The following MGLL variants were observed in gnomAD, a reference collection of about 807,000 sequenced individuals.
The protein encoded by MGLL is lysophospholipase homolog.
Under a neutral mutation model 29.1 loss-of-function variants are expected in MGLL, and 7 were observed. The ratio of observed to expected loss-of-function variants is 0.24; its 90% CI spans 0.14 to 0.45. The LOEUF (loss-of-function observed/expected upper bound fraction) is 0.45. Among genes scored for constraint, MGLL ranks in the 20% least tolerant of loss-of-function variants. The pLI, the probability that MGLL is intolerant of heterozygous loss-of-function variation, is 0.99. For synonymous variants in MGLL, 148 were observed against 168.3 expected (o/e 0.88, Z 0.93); for missense variants, 356 against 413.6 (o/e 0.86, Z 1.21).
intron 5 of MGLL, chr3:127,711,072 A>G (rs1382255745): frequency 3.0e-6 from 1 of 330,506 alleles, no homozygotes; most frequent in East Asian, 7.4e-5. Flanking sequence ...TCAACTGAGC[A>G]CGAAGCAGGG....
intron 2 of MGLL, among the ~76,000 whole-genome samples, chr3:127,806,854 C>T (rs375856784): frequency 2.6e-5 from 4 of 152,084 alleles, no homozygotes; most frequent in Admixed American, 2.0e-4. Context: ...TGATGAAATC[C>T]CATCTCTACT....
intron 3 of MGLL, among the ~76,000 whole-genome samples, chr3:127,744,567 G>A (rs916689887): frequency 1.3e-5 from 2 of 152,218 alleles, no homozygotes; most frequent in Admixed American, 1.3e-4. Context: ...TACAGAAAGT[G>A]CCTCTGGCTT....
intron 2 of MGLL, among the ~76,000 whole-genome samples, chr3:127,797,599 A>AACAACATAACTCATCCCAGGC (rs2077405643): frequency 6.6e-6 from 1 of 152,200 alleles, no homozygotes. Context: ...TAGAAAAACA[A>AACAACATAACTCATCCCAGGC]ACAACATAAA....
chr3:127,802,331 C>T (rs942256598), intron 2 of MGLL, among the ~76,000 whole-genome samples: 4 of 152,184 alleles, frequency 2.6e-5, no homozygotes, highest in South Asian at 4.1e-4. Flanking sequence ...GGAGGCCCAC[C>T]GAGGCGGTCA....
In MGLL at chr3:127,703,178, C is replaced by T. The variant is rs184161027; in HGVS notation, c.600+7398G>A. 1.5e-3 allele frequency among the ~76,000 whole-genome samples: 230 copies of T among 152,278 alleles called. 1 individual carries two copies. The highest frequency in any genetic ancestry group is 3.4e-3 in the Middle Eastern group (1 of 294). ...ATGCAAAAAGTCAACCTCTTTCTGTCCTTTGGAATGGAGGGCCCTGGAATG... is the reference window on the plus strand; with the variant it reads ...ATGCAAAAAGTCAACCTCTTTCTGTTCTTTGGAATGGAGGGCCCTGGAATG... On this transcript the variant is annotated intron_variant, in intron 6 of 7. Transcript: ENST00000265052.
At chr3:127,773,607 C>T (rs2076985000) in intron 3 of MGLL, among the ~76,000 whole-genome samples, 1 of 152,166 alleles carries the variant, frequency 6.6e-6, no homozygotes. Context: ...AAAGAGTGCA[C>T]CTGCTCTCAT....
intron 2 of MGLL, among the ~76,000 whole-genome samples, chr3:127,793,353 T>A (rs980874479): frequency 6.6e-6 from 1 of 152,168 alleles, no homozygotes; most frequent in South Asian, 2.1e-4. Context: ...GGGAAAACAT[T>A]AGAAAAATAG....
In MGLL at chr3:127,752,868, G is replaced by C. The variant is rs573009225; in HGVS notation, c.262+28921C>G. Among the ~76,000 whole-genome samples, 3 of 152,294 alleles carry C rather than the reference G, an allele frequency of 2.0e-5. No homozygotes were observed. In the East Asian group the frequency reaches 5.8e-4, roughly 29 times the overall value. ...CACCTAGCATGGGGCTTGTCAGGTA[G>C]AGTTTTCCTGCTTTAATCTAAAGTG... On this transcript the variant is annotated intron_variant, in intron 3 of 7. Transcript: ENST00000265052.
At chr3:127,803,787 A>T (rs1038931704) in intron 2 of MGLL, among the ~76,000 whole-genome samples, 8 of 152,258 alleles carry the variant, frequency 5.3e-5, no homozygotes, top group Admixed American at 5.2e-4. Context: ...TACCAGGAAA[A>T]CATTACTCAT....
chr3:127,758,458 T>C (rs927430316), intron 3 of MGLL, among the ~76,000 whole-genome samples: 2 of 152,222 alleles, frequency 1.3e-5, no homozygotes, highest in Non-Finnish European at 2.9e-5. Flanking sequence ...AATGAATAAA[T>C]ACACGAATGA....
intron 5 of MGLL, among the ~76,000 whole-genome samples, chr3:127,717,469 G>A (rs188645534): frequency 3.3e-5 from 5 of 152,326 alleles, no homozygotes; most frequent in Admixed American, 2.0e-4. Context: ...CTTCCAGGGC[G>A]GTGCTGGAGA....
At chr3:127,706,077 C>T (rs2075596763) in intron 6 of MGLL, among the ~76,000 whole-genome samples, 1 of 152,140 alleles carries the variant, frequency 6.6e-6, no homozygotes, top group Non-Finnish European at 1.5e-5. Flanking sequence ...ACCCAGCAAT[C>T]CCACTTCTGG....
chr3:127,822,290 C>T lies in MGLL; in HGVS notation c.10+19G>A, dbSNP rs1403494691. The T allele has an allele frequency of 6.2e-7, 1 of 1,610,230 alleles. No homozygotes were observed. Among genetic ancestry groups the T allele is most frequent in the Non-Finnish European group, 8.5e-7 (1 of 1,176,440 alleles). On this transcript the variant is annotated intron_variant, in intron 1 of 7. Coordinates refer to ENST00000265052, the MANE Select transcript of MGLL (RefSeq NM_007283.7). ...CAGATTATTCCTCCCATCTGAAATT[C>T]CAAGGATACATGACAAACCTGTTTC...
chr3:127,786,252 G>A (rs1481312189), intron 2 of MGLL, among the ~76,000 whole-genome samples: 3 of 152,240 alleles, frequency 2.0e-5, no homozygotes, highest in Non-Finnish European at 4.4e-5. Context: ...TCATCAAGGG[G>A]CCGACAGGGC....
upstream of MGLL, chr3:127,822,608 G>C (rs1244151125): frequency 2.2e-6 from 1 of 452,284 alleles, no homozygotes; most frequent in Non-Finnish European, 3.9e-6. Context: ...TCGCTAGAGG[G>C]GCTCGGAGAA....
intron 1 of MGLL, 114 bp downstream of exon 1, chr3:127,822,195 G>T (rs1226437710): frequency 1.1e-5 from 13 of 1,211,992 alleles, no homozygotes; most frequent in Non-Finnish European, 1.5e-5. Context: ...CCAGCTGCAA[G>T]AAGACCCATC....
At chr3:127,694,269 G>GAA (rs61437030) in intron 7 of MGLL, among the ~76,000 whole-genome samples, 1,392 of 67,422 alleles carry the variant, frequency 0.021, 38 homozygotes, top group African/African-American at 0.026. Context: ...TACTCTGTCT[G>GAA]AAAAAAAAAA....
chr3:127,795,801 A>G (rs1035842515), intron 2 of MGLL, among the ~76,000 whole-genome samples: 36 of 152,222 alleles, frequency 2.4e-4, no homozygotes, highest in Non-Finnish European at 7.3e-5. Flanking sequence ...AAAAAGGAAT[A>G]TGGGTCATTG....
At position 127,761,904 on chromosome 3, in the gene MGLL, T is replaced by C. The variant is rs1211831416; in HGVS notation, c.262+19885A>G. Reference sequence around the variant, plus strand: ...TGCATCTGAGGATCCCATGCAAGGTTTGGGTCCTCTGTTTGCTTTTTAATT... The same window carrying C: ...TGCATCTGAGGATCCCATGCAAGGTCTGGGTCCTCTGTTTGCTTTTTAATT... On this transcript the variant is annotated intron_variant, in intron 3 of 7. Transcript: ENST00000265052. This position sits in a 1 kb window ranked among gnomAD's most constrained non-coding sequence, Gnocchi z 4.6. 6.6e-6 allele frequency among the ~76,000 whole-genome samples: 1 copy of C among 152,072 alleles called. No individual in the cohort carries two copies. Among genetic ancestry groups the C allele is most frequent in the East Asian group, 1.9e-4 (1 of 5,170 alleles).
Sources: allele counts gnomAD v4.1 joint callset (sites outside exome capture counted in the v4.1 genomes callset), GRCh38; gene constraint gnomAD v4.1.1; non-coding constraint Gnocchi (gnomAD v3.1); transcripts MANE v1.5; gene names NCBI Gene and HGNC (gene_info 2026-07-23, HGNC 2026-07-21).